Variants in PTPRO observed in about 807,000 individuals in gnomAD.
PTPRO encodes receptor-type tyrosine-protein phosphatase O.
PTPRO carries 62 observed loss-of-function variants against 145.2 expected under a neutral mutation model. The ratio of observed to expected loss-of-function variants is 0.43; its 90% CI spans 0.35 to 0.53. The LOEUF is 0.53. PTPRO is among the 20% of genes least tolerant of loss of function. PTPRO has a pLI of 0.01. For synonymous variants in PTPRO, 565 were observed against 514.7 expected, an observed-to-expected ratio of 1.10 and a Z score of -1.32; for missense variants, 1,345 against 1,482.7, an observed-to-expected ratio of 0.91 and a Z score of 1.53.
chr12:15,483,110 A>G (rs1028072472), intron 1 of PTPRO, among the ~76,000 whole-genome samples: 1 of 152,130 alleles, frequency 6.6e-6, no homozygotes, highest in African/African-American at 2.4e-5. Flanking sequence ...GGCTCAGTGC[A>G]GTGAATAACT....
At chr12:15,533,912 G>A (rs887363203) in intron 12 of PTPRO, among the ~76,000 whole-genome samples, 5 of 152,044 alleles carry the variant, frequency 3.3e-5, no homozygotes, top group Non-Finnish European at 7.4e-5. Flanking sequence ...TGTCATGGAG[G>A]GTAGGTTCTA....
intron 2 of PTPRO, among the ~76,000 whole-genome samples, chr12:15,489,361 G>A (rs532891773): frequency 5.9e-5 from 9 of 152,276 alleles, no homozygotes; most frequent in African/African-American, 2.2e-4. Flanking sequence ...TACTCCATAA[G>A]CAGAGCAGCC....
intron 12 of PTPRO, among the ~76,000 whole-genome samples, chr12:15,531,932 A>G (rs544427273): frequency 1.3e-5 from 2 of 152,318 alleles, no homozygotes; most frequent in Admixed American, 6.5e-5. Flanking sequence ...TCATATTAGC[A>G]GCTGTAAGTA....
intron 1 of PTPRO, among the ~76,000 whole-genome samples, chr12:15,335,025 G>A (rs1866715393): frequency 6.6e-6 from 1 of 151,954 alleles, no homozygotes; most frequent in Non-Finnish European, 1.5e-5. Flanking sequence ...TAGTCAAGTT[G>A]GTGATCCATA....
intron 12 of PTPRO, among the ~76,000 whole-genome samples, chr12:15,544,706 T>C (rs1402684088): frequency 6.6e-6 from 1 of 152,028 alleles, no homozygotes; most frequent in Non-Finnish European, 1.5e-5. Context: ...TCACACTTGG[T>C]TCTATAGATT....
At chr12:15,403,969 G>T (rs897210676) in intron 1 of PTPRO, among the ~76,000 whole-genome samples, 1 of 151,798 alleles carries the variant, frequency 6.6e-6, no homozygotes, top group Non-Finnish European at 1.5e-5. Flanking sequence ...AGGCCAAGGC[G>T]GGCAGATCAG....
At chr12:15,587,088 G>C in intron 24 of PTPRO, 37 bp downstream of exon 24, 1 of 1,612,514 alleles carries the variant, frequency 6.2e-7, no homozygotes, top group Non-Finnish European at 8.5e-7. Flanking sequence ...TAAATATTAG[G>C]AGTTGGTTTT....
intron 14 of PTPRO, among the ~76,000 whole-genome samples, 188 bp downstream of exon 14, chr12:15,549,414 C>G (rs942554085): frequency 6.6e-6 from 1 of 152,008 alleles, no homozygotes; most frequent in Non-Finnish European, 1.5e-5. Context: ...GCTTTTCTTT[C>G]ATCTGTAAAA....
At chr12:15,549,269 A>T in intron 14 of PTPRO, 43 bp downstream of exon 14, 1 of 882,418 alleles carries the variant, frequency 1.1e-6, no homozygotes, top group Non-Finnish European at 1.5e-6. Flanking sequence ...CTTTTTTTGA[A>T]TATATATATA....
rs376056988 is a variant in PTPRO, at chr12:15,425,084, T to C, written c.76-58890T>C. Among the ~76,000 whole-genome samples the C allele has an allele frequency of 7.2e-5, 11 of 152,294 alleles. No individual in the cohort carries two copies. The East Asian group carries it at 1.7e-3, about 24-fold the overall frequency. On this transcript the variant is annotated intron_variant, in intron 1 of 26. Coordinates refer to ENST00000281171, the MANE Select transcript of PTPRO (RefSeq NM_030667.3). ...GTTTACACCTTTCACATATTTGTTG[T>C]TGTTTGCATTTTGACTTGTAGAAGC...
At chr12:15,464,245 T>C (rs533998803) in intron 1 of PTPRO, among the ~76,000 whole-genome samples, 3 of 152,162 alleles carry the variant, frequency 2.0e-5, no homozygotes, top group Non-Finnish European at 2.9e-5. Context: ...GAAAGGCATG[T>C]TTCAGAACTT....
chr12:15,398,928 G>A (rs1004856562), intron 1 of PTPRO, among the ~76,000 whole-genome samples: 1 of 152,062 alleles, frequency 6.6e-6, no homozygotes, highest in African/African-American at 2.4e-5. Context: ...TTAAACATCA[G>A]AGCTGCTCCA....
At chr12:15,444,321 T>C (rs1225846961) in intron 1 of PTPRO, among the ~76,000 whole-genome samples, 1 of 151,580 alleles carries the variant, frequency 6.6e-6, no homozygotes, top group Non-Finnish European at 1.5e-5. Flanking sequence ...CAACAGACAA[T>C]GGGGACTACT....
intron 1 of PTPRO, among the ~76,000 whole-genome samples, chr12:15,426,891 C>A (rs1940300583): frequency 1.3e-5 from 2 of 152,082 alleles, no homozygotes; most frequent in Middle Eastern, 6.8e-3. Flanking sequence ...GGGGTATTGA[C>A]TGTTAATATA....
intron 1 of PTPRO, among the ~76,000 whole-genome samples, chr12:15,477,960 C>T (rs999556471): frequency 6.6e-6 from 1 of 152,216 alleles, no homozygotes; most frequent in East Asian, 1.9e-4. Context: ...CCAGGGCTTG[C>T]TCTTGGACTG....
At position 15,522,206 on chromosome 12, in the gene PTPRO, C is replaced by T. The variant is rs532296830; in HGVS notation, c.1891+1894C>T. On this transcript the variant is annotated intron_variant, in intron 10 of 26. Transcript: ENST00000281171. ...TTATTGTCTTTTTTATACTTATTTT[C>T]TAAACATATTGAAAATTCTAGTAGG... Among the ~76,000 whole-genome samples the T allele has an allele frequency of 1.6e-3, 246 of 150,196 alleles. 1 individual carries two copies. Among genetic ancestry groups the T allele is most frequent in the African/African-American group, 5.9e-3 (241 of 40,974 alleles).
At chr12:15,479,189 A>C (rs892695687) in intron 1 of PTPRO, among the ~76,000 whole-genome samples, 1 of 152,160 alleles carries the variant, frequency 6.6e-6, no homozygotes, top group African/African-American at 2.4e-5. Flanking sequence ...TAACCGTCAG[A>C]TACTATCATC....
chr12:15,503,028 C>A (rs1942252629), intron 5 of PTPRO, among the ~76,000 whole-genome samples: 2 of 152,138 alleles, frequency 1.3e-5, no homozygotes, highest in Non-Finnish European at 2.9e-5. Flanking sequence ...ATACAGCATT[C>A]AACCATACCC....
chr12:15,530,947 T>C (rs1288914637), intron 12 of PTPRO, among the ~76,000 whole-genome samples: 1 of 151,886 alleles, frequency 6.6e-6, no homozygotes, highest in Admixed American at 6.6e-5. Context: ...GTTGGTTATT[T>C]AAAAAGATAA....
Sources: allele counts gnomAD v4.1 joint callset (sites outside exome capture counted in the v4.1 genomes callset), GRCh38; gene constraint gnomAD v4.1.1; transcripts MANE v1.5; gene names NCBI Gene and HGNC (gene_info 2026-07-23, HGNC 2026-07-21).